Variants in WDR93 observed in about 807,000 individuals in gnomAD.
WDR93 encodes WD repeat-containing protein 93.
Under a neutral mutation model 82.9 loss-of-function variants are expected in WDR93, and 73 were observed. That is an observed-to-expected ratio of 0.88 (90% CI 0.73 to 1.07). The LOEUF is 1.07. Among genes scored for constraint, WDR93 ranks in the 50% least tolerant of loss-of-function variants. The probability of loss-of-function intolerance (pLI) is 0.00; values close to 1 mark genes in which losing one functional copy is unlikely to be tolerated. For missense variants in WDR93, 738 were observed against 826.0 expected (o/e 0.89, Z 1.31); for synonymous variants, 283 against 300.1 (o/e 0.94, Z 0.59).
chr15:89,697,847 T>TCACTTG (rs1400560852), intron 1 of WDR93, among the ~76,000 whole-genome samples: 1 of 152,056 alleles, frequency 6.6e-6, no homozygotes, highest in African/African-American at 2.4e-5. Flanking sequence ...TTAGGACTTT[T>TCACTTG]ATACCCACTT....
At chr15:89,736,219 C>G (rs926886627) in intron 14 of WDR93, among the ~76,000 whole-genome samples, 2 of 152,132 alleles carry the variant, frequency 1.3e-5, no homozygotes, top group Non-Finnish European at 2.9e-5. Context: ...TGGCTGTTGC[C>G]AAAGGAGAGG....
chr15:89,734,802 T>C (rs1967025499), intron 13 of WDR93, among the ~76,000 whole-genome samples: 1 of 151,150 alleles, frequency 6.6e-6, no homozygotes, highest in African/African-American at 2.4e-5. Flanking sequence ...CTGGGTAACA[T>C]AGTGAGACCC....
intron 15 of WDR93, 141 bp from the exon 16 acceptor site, chr15:89,737,900 G>A: frequency 7.6e-7 from 1 of 1,312,756 alleles, no homozygotes. Flanking sequence ...TGCCAGCAGG[G>A]TCTTCTCTCT....
intron 16 of WDR93, among the ~76,000 whole-genome samples, chr15:89,740,911 G>T (rs189189091): frequency 1.3e-5 from 2 of 152,010 alleles, no homozygotes; most frequent in Non-Finnish European, 2.9e-5. Flanking sequence ...AGGCCAAGGC[G>T]GGTGGATCAC....
chr15:89,705,390 A>G, intron 3 of WDR93, 164 bp from the exon 4 acceptor site: 1 of 639,656 alleles, frequency 1.6e-6, no homozygotes, highest in Non-Finnish European at 2.8e-6. Flanking sequence ...GGGGTGGAGG[A>G]AGGCAGGGAG....
chr15:89,743,199 A>T, intron 16 of WDR93, 93 bp from the exon 17 acceptor site: 3 of 1,255,830 alleles, frequency 2.4e-6, no homozygotes, highest in Non-Finnish European at 3.5e-6. Flanking sequence ...AGAGTTTCTC[A>T]TAGGAGCACA....
rs755702211 is a variant in WDR93, at chr15:89,735,544, A to G, written c.1599A>G (p.Leu533=). The G allele has an allele frequency of 6.2e-7, 1 of 1,614,136 alleles. No homozygotes were observed. The highest frequency in any genetic ancestry group is 1.1e-5 in the South Asian group (1 of 91,078). Residue 533 remains leucine, a synonymous_variant, in exon 14 of 17, where the codon TTA becomes TTG. Coordinates refer to ENST00000268130, the MANE Select transcript of WDR93 (RefSeq NM_020212.2). ...TICAVAPVPA[L]PGMVLIFSKN... ...GTGCCGTGGCCCCAGTCCCAGCCTT[A>G]CCTGGCATGGTAGGTTCCCCATGCC...
In WDR93 at chr15:89,738,168, C is replaced by T. The variant is rs1205619864; in HGVS notation, c.1893C>T (p.Asp631=). 1 of 1,614,174 alleles carries T rather than the reference C, an allele frequency of 6.2e-7. No homozygotes were observed. Among genetic ancestry groups the T allele is most frequent in the Non-Finnish European group, 8.5e-7 (1 of 1,180,018 alleles). The change falls in exon 16 of 17, where the codon GAC becomes GAT. Residue 631 remains aspartate, a synonymous_variant. Transcript: ENST00000268130. ...AAAATTGTACCATTCCTCAAAGGGA[C>T]TTGGATAACATGGCCTTCCCCCAAG... is the stretch of plus-strand genomic sequence containing the variant. ...ISKNCTIPQR[D]LDNMAFPQAL...
Position 89,701,822 on chromosome 15 carries a change from C to T in WDR93, c.76C>T (p.Pro26Ser), listed in dbSNP as rs866096093. Residue 26 changes from proline to serine, a missense_variant, in exon 2 of 17, where the codon CCA (proline) becomes TCA (serine). Coordinates refer to ENST00000268130, the MANE Select transcript of WDR93 (RefSeq NM_020212.2). ...TACACGAAAGGGACCATTGGAGGTG[C>T]CACCCCCAACAGAGAAGGACTGGCC... Reference protein sequence around the residue: ...IGTRKGPLEVPPPTEKDWPKD... With the variant: ...IGTRKGPLEVSPPTEKDWPKD... 2 of 1,614,018 alleles carry T rather than the reference C, an allele frequency of 1.2e-6. No homozygotes were observed. The highest frequency in any genetic ancestry group is 2.7e-5 in the African/African-American group (2 of 74,910).
chr15:89,700,441 C>A (rs2141592444), intron 1 of WDR93, among the ~76,000 whole-genome samples: 1 of 152,158 alleles, frequency 6.6e-6, no homozygotes, highest in African/African-American at 2.4e-5. Flanking sequence ...TCACACAGTC[C>A]AAGACCCTAC....
intron 4 of WDR93, among the ~76,000 whole-genome samples, chr15:89,708,517 C>A (rs1191060662): frequency 1.3e-5 from 2 of 152,056 alleles, no homozygotes; most frequent in African/African-American, 4.8e-5. Flanking sequence ...CACATCTGCA[C>A]CATAAGAAGT....
At chr15:89,709,254 GC>G (rs1470239219) in intron 4 of WDR93, among the ~76,000 whole-genome samples, 1 of 152,186 alleles carries the variant, frequency 6.6e-6, no homozygotes, top group East Asian at 1.9e-4. Context: ...CCCCACTGTG[GC>G]AGAGACAAAA....
intron 16 of WDR93, among the ~76,000 whole-genome samples, chr15:89,741,544 A>C (rs988374452): frequency 6.6e-6 from 1 of 152,190 alleles, no homozygotes; most frequent in African/African-American, 2.4e-5. Flanking sequence ...AAACCATTAC[A>C]GATACAGGGA....
chr15:89,702,911 G>T (rs776222450), intron 2 of WDR93, 39 bp from the exon 3 acceptor site: 1 of 1,597,672 alleles, frequency 6.3e-7, no homozygotes, highest in Admixed American at 1.7e-5. Flanking sequence ...TTTGAAGACA[G>T]TGACAACTGA....
rs768438622 is a variant in WDR93 at position 89,701,977 on chromosome 15, G to A, written c.231G>A (p.Glu77=). 4 of 1,613,774 alleles carry A rather than the reference G, an allele frequency of 2.5e-6. No individual in the cohort carries two copies. Among genetic ancestry groups the A allele is most frequent in the Admixed American group, 1.7e-5 (1 of 60,018 alleles). Residue 77 remains glutamate (E), a synonymous_variant, in exon 2 of 17, where the codon GAG becomes GAA. Transcript: ENST00000268130. The part of the protein sequence containing the change: ...LFDQSWEIIE[E]RNALREAESS... The stretch of plus-strand genomic sequence containing the variant: ...ACCAGTCTTGGGAAATTATTGAAGA[G>A]AGAAACGCACTGAGGGAAGCTGAGA...
intron 16 of WDR93, among the ~76,000 whole-genome samples, chr15:89,742,454 G>A (rs1454101841): frequency 1.3e-5 from 2 of 151,996 alleles, no homozygotes; most frequent in East Asian, 3.9e-4. Context: ...GTCTCTGTGT[G>A]CACTCTGAGG....
intron 6 of WDR93, among the ~76,000 whole-genome samples, chr15:89,715,517 A>G (rs1261404138): frequency 2.6e-5 from 4 of 152,128 alleles, no homozygotes; most frequent in Non-Finnish European, 4.4e-5. Flanking sequence ...ATTTTCTATT[A>G]TCCTTAGAAA....
intron 13 of WDR93, among the ~76,000 whole-genome samples, 173 bp downstream of exon 13, chr15:89,733,392 A>G (rs1966910357): frequency 6.6e-6 from 1 of 152,110 alleles, no homozygotes; most frequent in African/African-American, 2.4e-5. Flanking sequence ...AATTTTTTCT[A>G]ACAAAATTGT....
At chr15:89,724,248 G>T (rs117470905) in intron 8 of WDR93, among the ~76,000 whole-genome samples, 1 of 152,128 alleles carries the variant, frequency 6.6e-6, no homozygotes, top group Non-Finnish European at 1.5e-5. Context: ...AGGTTAAAGC[G>T]GGAGAATTGC....
Sources: allele counts gnomAD v4.1 joint callset (sites outside exome capture counted in the v4.1 genomes callset), GRCh38; gene constraint gnomAD v4.1.1; transcripts MANE v1.5; gene names NCBI Gene and HGNC (gene_info 2026-07-23, HGNC 2026-07-21).